GUCY1B1: variants seen among roughly 807,000 people sequenced by gnomAD.
The protein encoded by GUCY1B1 is guanylate cyclase soluble subunit beta-1.
In GUCY1B1, 43 loss-of-function variants were observed where a neutral mutation model predicts 71.0. That is an observed-to-expected ratio of 0.61 (90% CI 0.47 to 0.78). GUCY1B1 has a LOEUF of 0.78. GUCY1B1 is among the 30% of genes least tolerant of loss of function. GUCY1B1 has a pLI of 0.00. For synonymous variants in GUCY1B1, 266 were observed against 259.7 expected (o/e 1.02, Z -0.23); for missense variants, 535 against 754.1 (o/e 0.71, Z 3.40).
chr4:155,798,032 C>T (rs1379186358), intron 8 of GUCY1B1, among the ~76,000 whole-genome samples: 2 of 152,034 alleles, frequency 1.3e-5, no homozygotes, highest in Admixed American at 1.3e-4. Flanking sequence ...GTCAGCTTCT[C>T]ATTAGGGGCA....
intron 6 of GUCY1B1, among the ~76,000 whole-genome samples, chr4:155,794,959 AGG>A (rs1202194099): frequency 6.6e-6 from 1 of 152,178 alleles, no homozygotes; most frequent in African/African-American, 2.4e-5. Context: ...ATATTAAGAG[AGG>A]GTTTGCTCAT....
chr4:155,782,474 A>T (rs1738500836), intron 4 of GUCY1B1, among the ~76,000 whole-genome samples: 1 of 152,340 alleles, frequency 6.6e-6, no homozygotes, highest in East Asian at 1.9e-4. Context: ...TTCATAAGAA[A>T]ATAGCTGATA....
chr4:155,804,644 C>T lies in GUCY1B1; in HGVS notation c.1606C>T (p.Arg536Trp), dbSNP rs1740193109. 4.3e-6 allele frequency: 7 copies of T among 1,611,236 alleles called. No individual in the cohort carries two copies. Among genetic ancestry groups the T allele is most frequent in the Admixed American group, 1.7e-5 (1 of 59,902 alleles). The change falls in exon 12 of 14, where the codon CGG becomes TGG. Residue 536 changes from arginine to tryptophan, a missense_variant. Arg to Trp is a moderately radical substitution (Grantham distance 101). Transcript: ENST00000264424. ...GEVVTGVIGQ[R>W]MPRYCLFGNT... ...GGTAGTTACAGGTGTCATAGGACAG[C>T]GGATGCCTCGATACTGTCTTTTTGG...
Position 155,793,971 on chromosome 4 carries a change from A to G in GUCY1B1, c.611A>G (p.Gln204Arg). The stretch of plus-strand genomic sequence containing the variant: ...GACAGATTTGAAGAAAATGGTACCC[A>G]GGAATCACGCATCAGCCCATATACA... ...DLDRFEENGT[Q>R]ESRISPYTFC... The change falls in exon 6 of 14, where the codon CAG (glutamine) becomes CGG (arginine). Residue 204 changes from glutamine (Q) to arginine (R), a missense_variant. Gln to Arg is a conservative substitution (Grantham distance 43). Transcript: ENST00000264424. The G allele has an allele frequency of 6.2e-7, 1 of 1,608,328 alleles. No homozygotes were observed. The highest frequency in any genetic ancestry group is 2.2e-5 in the East Asian group (1 of 44,844).
At chr4:155,775,113 A>G in intron 3 of GUCY1B1, 45 bp downstream of exon 3, 1 of 954,318 alleles carries the variant, frequency 1.0e-6, no homozygotes, top group African/African-American at 1.6e-5. Context: ...TTACACGTAG[A>G]AGCTCACAGA....
Position 155,785,342 on chromosome 4 carries a change from A to G in GUCY1B1, c.298-4372A>G, listed in dbSNP as rs1277914997. 4.7e-6 allele frequency: 6 copies of G among 1,278,166 alleles called. No homozygotes were observed. The South Asian group carries it at 6.6e-5, about 14-fold the overall frequency. The allele number at this position is 1,278,166 out of a possible 1,614,324, so 79.2% of individuals were successfully genotyped here. ...CTTGTGCTGCAATGTAAGAGTTTAC[A>G]TTTTTTCAGTGTCTTTTTTACTTTC... On this transcript the variant is annotated intron_variant, in intron 4 of 13. Coordinates refer to ENST00000264424, the MANE Select transcript of GUCY1B1 (RefSeq NM_000857.5).
chr4:155,801,306 A>G (rs942461226), intron 9 of GUCY1B1, among the ~76,000 whole-genome samples: 1 of 152,152 alleles, frequency 6.6e-6, no homozygotes, highest in Non-Finnish European at 1.5e-5. Flanking sequence ...TGCTTCAAAA[A>G]TCCTTATATT....
At position 155,759,827 on chromosome 4, in the gene GUCY1B1, G is replaced by T; in HGVS notation, c.44G>T (p.Arg15Leu). Residue 15 changes from arginine (R) to leucine (L), a missense_variant, in exon 2 of 14, where the codon CGC becomes CTC. Arg to Leu is a moderately radical substitution (Grantham distance 102). Transcript: ENST00000264424. ...VNHALELLVI[R>L]NYGPEVWEDI... is the part of the protein sequence containing the mutation. ...CACGCCCTGGAGTTGCTGGTGATCCGCAATTACGGCCCCGAGGTGTGGGAA... is the reference window on the plus strand; with the variant it reads ...CACGCCCTGGAGTTGCTGGTGATCCTCAATTACGGCCCCGAGGTGTGGGAA... 5.6e-6 allele frequency: 9 copies of T among 1,612,906 alleles called. No individual in the cohort carries two copies. The highest frequency in any genetic ancestry group is 7.6e-6 in the Non-Finnish European group (9 of 1,179,260).
intron 11 of GUCY1B1, among the ~76,000 whole-genome samples, chr4:155,804,390 A>G (rs1228431696): frequency 6.6e-6 from 1 of 152,120 alleles, no homozygotes; most frequent in Non-Finnish European, 1.5e-5. Flanking sequence ...GAGGGAGAGC[A>G]TTAGGACAAA....
Position 155,800,039 on chromosome 4 carries a change from A to G in GUCY1B1, c.1140A>G (p.Leu380=). 1 of 1,613,450 alleles carries G rather than the reference A, an allele frequency of 6.2e-7. No individual in the cohort carries two copies. The highest frequency in any genetic ancestry group is 8.5e-7 in the Non-Finnish European group (1 of 1,179,500). The change falls in exon 9 of 14, where the codon TTA becomes TTG. Residue 380 remains leucine (L), a synonymous_variant. Coordinates refer to ENST00000264424, the MANE Select transcript of GUCY1B1 (RefSeq NM_000857.5). ...TCACTGACAGGCTACAGCTCACGTT[A>G]AGAGCCCTGGAAGATGAAAAGAAAA... ...EILTDRLQLT[L]RALEDEKKKT... is the part of the protein sequence containing the mutation.
chr4:155,803,196 C>A (rs918521018), intron 10 of GUCY1B1, among the ~76,000 whole-genome samples: 1 of 152,170 alleles, frequency 6.6e-6, no homozygotes, highest in African/African-American at 2.4e-5. Flanking sequence ...TTCTGAGGTA[C>A]ACTCTAGCAT....
At chr4:155,761,712 C>A (rs954263906) in intron 2 of GUCY1B1, among the ~76,000 whole-genome samples, 3 of 152,136 alleles carry the variant, frequency 2.0e-5, no homozygotes, top group Admixed American at 2.0e-4. Flanking sequence ...CAAAATCAAG[C>A]TGAGAATATT....
chr4:155,805,083 C>A lies in GUCY1B1; in HGVS notation c.1710-20C>A. 1 of 1,605,756 alleles carries A rather than the reference C, an allele frequency of 6.2e-7. No individual in the cohort carries two copies. The highest frequency in any genetic ancestry group is 1.1e-5 in the South Asian group (1 of 90,490). The stretch of plus-strand genomic sequence containing the variant: ...ACTTGTGTATACTTCTCTCTCTACT[C>A]CCCTTCCCTTGTCTTTTAGATGTCT... On this transcript the variant is annotated intron_variant, in intron 12 of 13. Coordinates refer to ENST00000264424, the MANE Select transcript of GUCY1B1 (RefSeq NM_000857.5).
intron 5 of GUCY1B1, among the ~76,000 whole-genome samples, chr4:155,791,425 T>A (rs1371842338): frequency 6.8e-6 from 1 of 147,732 alleles, no homozygotes; most frequent in Non-Finnish European, 1.5e-5. Context: ...AGTCTTTTGT[T>A]CTTGACATTA....
At chr4:155,794,175 C>G in intron 6 of GUCY1B1, 89 bp downstream of exon 6, 2 of 702,424 alleles carry the variant, frequency 2.8e-6, no homozygotes. Flanking sequence ...ATTTAACCCT[C>G]TGACTATGTA....
At chr4:155,777,967 T>A (rs1295738973) in intron 4 of GUCY1B1, among the ~76,000 whole-genome samples, 1 of 152,178 alleles carries the variant, frequency 6.6e-6, no homozygotes, top group Non-Finnish European at 1.5e-5. Context: ...CTAGTGATTG[T>A]GGTTTTATGT....
Position 155,802,216 on chromosome 4 carries a change from A to G in GUCY1B1, c.1176-126A>G. On this transcript the variant is annotated intron_variant, in intron 9 of 13. Transcript: ENST00000264424. This position sits in a 1 kb window ranked among gnomAD's most constrained non-coding sequence, Gnocchi z 4.3. ...TAATATTTGATGCTAATTTTAGAGG[A>G]TGTCCTGCTAGAATCCAGGCCTTTA... is the stretch of plus-strand genomic sequence containing the variant. 6.6e-7 allele frequency: 1 copy of G among 1,511,828 alleles called. No individual in the cohort carries two copies. Among genetic ancestry groups the G allele is most frequent in the Non-Finnish European group, 8.8e-7 (1 of 1,132,490 alleles). 93.7% of individuals were successfully genotyped at this position (1,511,828 alleles called of 1,614,324 possible). A position where few individuals can be genotyped will look rare whatever the true frequency, so the allele number is the denominator to read the frequency against.
chr4:155,770,133 G>T (rs1013792140), intron 2 of GUCY1B1, among the ~76,000 whole-genome samples: 1 of 152,164 alleles, frequency 6.6e-6, no homozygotes, highest in Admixed American at 6.6e-5. Context: ...AGAATTATGA[G>T]ATAATATTAC....
chr4:155,776,833 A>T (rs1013690885), intron 3 of GUCY1B1, among the ~76,000 whole-genome samples: 1 of 152,208 alleles, frequency 6.6e-6, no homozygotes, highest in African/African-American at 2.4e-5. Flanking sequence ...TGTCATGTGC[A>T]TTCTTGATGA....
Sources: allele counts gnomAD v4.1 joint callset (sites outside exome capture counted in the v4.1 genomes callset), GRCh38; gene constraint gnomAD v4.1.1; non-coding constraint Gnocchi (gnomAD v3.1); transcripts MANE v1.5; gene names NCBI Gene and HGNC (gene_info 2026-07-23, HGNC 2026-07-21).